The following COMMD10 variants were observed in gnomAD, a reference collection of about 807,000 sequenced individuals.
COMMD10 encodes COMM domain-containing protein 10.
COMMD10 carries 33 observed loss-of-function variants against 28.9 expected under a neutral mutation model. The observed-to-expected ratio is 1.14, with a 90% CI of 0.87 to 1.53. COMMD10 has a LOEUF of 1.53. COMMD10 is among the 40% of genes most tolerant of loss of function. COMMD10 has a pLI of 0.00. For synonymous variants in COMMD10, 110 were observed against 81.7 expected (o/e 1.35, Z -1.87); for missense variants, 310 against 233.4 (o/e 1.33, Z -2.14).
At chr5:116,289,043 G>A (rs866785288) in intron 5 of COMMD10, among the ~76,000 whole-genome samples, 2 of 151,234 alleles carry the variant, frequency 1.3e-5, no homozygotes, top group South Asian at 4.2e-4. Flanking sequence ...CACCATGCCT[G>A]GCTAATTTTT....
At chr5:116,235,804 A>G (rs930825970) in intron 5 of COMMD10, among the ~76,000 whole-genome samples, 1 of 151,704 alleles carries the variant, frequency 6.6e-6, no homozygotes, top group Admixed American at 6.6e-5. Context: ...TCTTCGATGG[A>G]TAAAACTTCA....
At position 116,290,903 on chromosome 5, in the gene COMMD10, A is replaced by AT. The variant is rs1191640127; in HGVS notation, c.511-612dup. On this transcript the variant is annotated intron_variant, in intron 5 of 6. Coordinates refer to ENST00000274458, the MANE Select transcript of COMMD10 (RefSeq NM_016144.4). ...ACAGCATCATACATACATATACAAT[A>AT]TTACCTAGCATCTGTAGCACCCATA... 1.2e-4 allele frequency among the ~76,000 whole-genome samples: 19 copies of AT among 152,204 alleles called. 1 individual carries two copies. Among genetic ancestry groups the AT allele is most frequent in the Admixed American group, 8.5e-4 (13 of 15,260 alleles).
At chr5:116,129,981 A>G (rs1477020671) in intron 4 of COMMD10, among the ~76,000 whole-genome samples, 1 of 151,214 alleles carries the variant, frequency 6.6e-6, no homozygotes, top group Non-Finnish European at 1.5e-5. Flanking sequence ...TGCATGCACA[A>G]ACACATATGA....
Position 116,124,318 on chromosome 5 carries a change from C to T in COMMD10, c.400-9750C>T, listed in dbSNP as rs1056437343. ...AACATCTTTATTTCTGCCTTCATTT[C>T]GTTACTTACCCAGTAGTCATTCAGG... On this transcript the variant is annotated intron_variant, in intron 4 of 6. Transcript: ENST00000274458. 2.6e-5 allele frequency among the ~76,000 whole-genome samples: 4 copies of T among 152,230 alleles called. 1 individual carries two copies. The highest frequency in any genetic ancestry group is 9.6e-5 in the African/African-American group (4 of 41,546).
intron 5 of COMMD10, among the ~76,000 whole-genome samples, chr5:116,229,077 C>T (rs1327726737): frequency 2.6e-5 from 4 of 151,964 alleles, no homozygotes; most frequent in African/African-American, 9.7e-5. Context: ...TACATTTAGG[C>T]ATAAAAGAGG....
intron 5 of COMMD10, among the ~76,000 whole-genome samples, chr5:116,279,775 A>G (rs931270547): frequency 3.3e-5 from 5 of 151,884 alleles, no homozygotes; most frequent in Non-Finnish European, 2.9e-5. Context: ...TAACAGATAC[A>G]AAGAGATTTG....
chr5:116,242,268 C>T (rs1442917897), intron 5 of COMMD10, among the ~76,000 whole-genome samples: 2 of 152,158 alleles, frequency 1.3e-5, no homozygotes, highest in Non-Finnish European at 2.9e-5. Context: ...TATATAAATG[C>T]ATATCTGTTG....
rs186720493 is a variant in COMMD10, at chr5:116,245,296, G to C, written c.511-46221G>C. The stretch of plus-strand genomic sequence containing the variant: ...AGCTACCCTCCCAAGAGTGAACCAG[G>C]AAGAAACTGGATCTCTAAACAGACA... On this transcript the variant is annotated intron_variant, in intron 5 of 6. Coordinates refer to ENST00000274458, the MANE Select transcript of COMMD10 (RefSeq NM_016144.4). 1.6e-3 allele frequency among the ~76,000 whole-genome samples: 238 copies of C among 152,146 alleles called. 4 individuals are homozygous for C. The highest frequency in any genetic ancestry group is 2.4e-3 in the Admixed American group (37 of 15,260).
chr5:116,134,125 C>G lies in COMMD10; in HGVS notation c.457C>G (p.Leu153Val). 6 of 1,612,610 alleles carry G rather than the reference C, an allele frequency of 3.7e-6. No homozygotes were observed. In the South Asian group the frequency reaches 4.4e-5, roughly 12 times the overall value. ...LQMAHSAQAK[L>V]KSPQAVLQLG... Reference sequence around the variant, plus strand: ...GATGGCTCACTCTGCTCAAGCAAAACTAAAATCTCCTCAAGCTGTGTTACA... The same window carrying G: ...GATGGCTCACTCTGCTCAAGCAAAAGTAAAATCTCCTCAAGCTGTGTTACA... Residue 153 changes from leucine to valine, a missense_variant, in exon 5 of 7, where the codon CTA (leucine) becomes GTA (valine). Coordinates refer to ENST00000274458, the MANE Select transcript of COMMD10 (RefSeq NM_016144.4).
chr5:116,286,689 G>T (rs1458804334), intron 5 of COMMD10, among the ~76,000 whole-genome samples: 1 of 151,644 alleles, frequency 6.6e-6, no homozygotes, highest in Non-Finnish European at 1.5e-5. Context: ...TTGTGCTACT[G>T]GTTTGTAGTT....
At chr5:116,108,245 G>T (rs777590021) in intron 4 of COMMD10, among the ~76,000 whole-genome samples, 8 of 152,224 alleles carry the variant, frequency 5.3e-5, no homozygotes, top group Non-Finnish European at 4.4e-5. Flanking sequence ...CCAGGCAGGG[G>T]CGTTTAAGTC....
intron 1 of COMMD10, among the ~76,000 whole-genome samples, chr5:116,086,011 A>C (rs1178898162): frequency 6.6e-6 from 1 of 152,200 alleles, no homozygotes; most frequent in East Asian, 1.9e-4. Context: ...TTGAAAATGA[A>C]ACTACCCTCC....
At chr5:116,184,534 C>G (rs1748077960) in intron 5 of COMMD10, among the ~76,000 whole-genome samples, 1 of 152,010 alleles carries the variant, frequency 6.6e-6, no homozygotes, top group African/African-American at 2.4e-5. Flanking sequence ...TTAACACTGA[C>G]TCCTAGGGTA....
intron 5 of COMMD10, among the ~76,000 whole-genome samples, chr5:116,229,906 C>G (rs978080725): frequency 6.6e-6 from 1 of 151,532 alleles, no homozygotes; most frequent in Non-Finnish European, 1.5e-5. Flanking sequence ...TTTTATTTAT[C>G]GTCCTTTATT....
intron 5 of COMMD10, among the ~76,000 whole-genome samples, chr5:116,287,463 A>G (rs562735307): frequency 1.2e-4 from 18 of 151,808 alleles, no homozygotes; most frequent in Non-Finnish European, 2.4e-4. Flanking sequence ...GCCTATGTGT[A>G]TTGTTAGATC....
rs139736843 is a variant in COMMD10 at position 116,266,819 on chromosome 5, C to T, written c.511-24698C>T. On this transcript the variant is annotated intron_variant, in intron 5 of 6. Coordinates refer to ENST00000274458, the MANE Select transcript of COMMD10 (RefSeq NM_016144.4). ...ACGCAAATCAATGAATGTAATCCAT[C>T]ATATAAACAGAACCAAAGACAAAAA... is the stretch of plus-strand genomic sequence containing the variant. 2.0e-3 allele frequency among the ~76,000 whole-genome samples: 305 copies of T among 150,686 alleles called. 5 individuals are homozygous for T. The highest frequency in any genetic ancestry group is 7.1e-3 in the African/African-American group (290 of 40,960).
chr5:116,147,096 C>T (rs1218684306), intron 5 of COMMD10, among the ~76,000 whole-genome samples: 4 of 151,752 alleles, frequency 2.6e-5, no homozygotes, highest in African/African-American at 4.8e-5. Flanking sequence ...TTTCTTTTTG[C>T]ATATTTAGCA....
chr5:116,241,326 T>A (rs764782521), intron 5 of COMMD10, among the ~76,000 whole-genome samples: 1 of 152,086 alleles, frequency 6.6e-6, no homozygotes, highest in African/African-American at 2.4e-5. Context: ...TGGAGCAAAA[T>A]CAAAACAGCT....
intron 5 of COMMD10, among the ~76,000 whole-genome samples, chr5:116,150,868 G>T (rs1299168714): frequency 2.7e-5 from 4 of 148,344 alleles, no homozygotes; most frequent in Admixed American, 1.4e-4. Flanking sequence ...CTGCCTAATT[G>T]CCCTGGCCAG....
Sources: gnomAD v4.1 joint callset for allele counts (sites outside exome capture counted in the v4.1 genomes callset) on GRCh38, gnomAD v4.1.1 for gene constraint, MANE v1.5 for transcripts, NCBI Gene and HGNC (gene_info 2026-07-23, HGNC 2026-07-21) for gene names.